The following MYT1L variants were observed in gnomAD, a reference collection of about 807,000 sequenced individuals.
MYT1L encodes the protein myelin transcription factor 1 like.
Under a neutral mutation model 126.7 loss-of-function variants are expected in MYT1L, and 12 were observed. That is an observed-to-expected ratio of 0.09 (90% CI 0.06 to 0.15). The LOEUF is 0.15. MYT1L is among the 10% of genes least tolerant of loss of function. MYT1L has a pLI of 1.00. For synonymous variants in MYT1L, 541 were observed against 604.2 expected, an observed-to-expected ratio of 0.90 and a Z score of 1.53; for missense variants, 979 against 1,585.2, an observed-to-expected ratio of 0.62 and a Z score of 6.49.
chr2:2,144,804 T>C (rs1289631645), intron 3 of MYT1L, among the ~76,000 whole-genome samples: 1 of 152,226 alleles, frequency 6.6e-6, no homozygotes, highest in Admixed American at 6.5e-5. Context: ...AGCCAGCATC[T>C]TTCTGCGGCT....
chr2:1,945,055 A>G (rs2057071632), intron 8 of MYT1L, among the ~76,000 whole-genome samples: 1 of 152,178 alleles, frequency 6.6e-6, no homozygotes, highest in South Asian at 2.1e-4. Flanking sequence ...ACATGAACAT[A>G]TGTAAGAACA....
chr2:1,823,100 C>A (rs2038787092), intron 21 of MYT1L, among the ~76,000 whole-genome samples: 1 of 152,154 alleles, frequency 6.6e-6, no homozygotes, highest in Non-Finnish European at 1.5e-5. Flanking sequence ...CAAATGTGAG[C>A]TTTTGCCCTA....
rs1291108804 is a variant in MYT1L at position 1,852,958 on chromosome 2, G to A, written c.2712-1255C>T. On this transcript the variant is annotated intron_variant, in intron 18 of 24. Coordinates refer to ENST00000647738, the MANE Select transcript of MYT1L (RefSeq NM_001303052.2). The surrounding 1 kb of genome is among the most constrained non-coding windows in gnomAD (Gnocchi z 4.0). ...AGGACGGCAAAGTGCTTGCTTACAGGTGGGCTTTCTCAAGATCAGAGGAGA... is the reference window on the plus strand; with the variant it reads ...AGGACGGCAAAGTGCTTGCTTACAGATGGGCTTTCTCAAGATCAGAGGAGA... Among the ~76,000 whole-genome samples the A allele has an allele frequency of 1.3e-5, 2 of 152,208 alleles. No homozygotes were observed. Among genetic ancestry groups the A allele is most frequent in the Non-Finnish European group, 2.9e-5 (2 of 68,040 alleles).
In MYT1L at chr2:1,967,892, C is replaced by T. The variant is rs192196736; in HGVS notation, c.152+11273G>A. 2.0e-4 allele frequency among the ~76,000 whole-genome samples: 30 copies of T among 152,292 alleles called. No homozygotes were observed. In the East Asian group the frequency reaches 3.3e-3, roughly 17 times the overall value. On this transcript the variant is annotated intron_variant, in intron 8 of 24. Transcript: ENST00000647738. ...AGGGCAGGAGCCTAGACTCCACTTCCGCAAAGAGTCCTGCTGTCTGTGTGT... is the reference window on the plus strand; with the variant it reads ...AGGGCAGGAGCCTAGACTCCACTTCTGCAAAGAGTCCTGCTGTCTGTGTGT...
At chr2:1,869,288 T>C (rs2045979347) in intron 18 of MYT1L, among the ~76,000 whole-genome samples, 1 of 152,230 alleles carries the variant, frequency 6.6e-6, no homozygotes, top group African/African-American at 2.4e-5. Flanking sequence ...GTTGTCCAAC[T>C]GCCCTGGACA....
At chr2:2,241,275 T>TG (rs1559434918) in intron 2 of MYT1L, among the ~76,000 whole-genome samples, 12,756 of 150,820 alleles carry the variant, frequency 0.085, 586 homozygotes, top group South Asian at 0.14. Flanking sequence ...AATACATCTT[T>TG]TGTGTGTGTG....
intron 21 of MYT1L, among the ~76,000 whole-genome samples, chr2:1,818,640 C>A (rs577697118): frequency 6.6e-6 from 1 of 152,088 alleles, no homozygotes; most frequent in Non-Finnish European, 1.5e-5. Context: ...CCGGTCGCCA[C>A]GAGAGCAGCT....
At chr2:2,318,180 A>G (rs1220614871) in intron 1 of MYT1L, among the ~76,000 whole-genome samples, 1 of 152,210 alleles carries the variant, frequency 6.6e-6, no homozygotes, top group African/African-American at 2.4e-5. Context: ...CATTGACTCT[A>G]CTACTCCTTA....
intron 2 of MYT1L, among the ~76,000 whole-genome samples, chr2:2,191,869 G>A (rs929928796): frequency 7.9e-5 from 12 of 152,168 alleles, no homozygotes; most frequent in Admixed American, 1.3e-4. Flanking sequence ...TGAATTCAGC[G>A]TTGCTGCACA....
chr2:2,154,789 CT>C (rs1054382067), intron 3 of MYT1L, among the ~76,000 whole-genome samples: 1 of 152,070 alleles, frequency 6.6e-6, no homozygotes, highest in Non-Finnish European at 1.5e-5. Context: ...ACGAGTTTAC[CT>C]ATGGAACAAA....
chr2:1,877,777 C>T lies in MYT1L; in HGVS notation c.2711+8762G>A, dbSNP rs1573134177. ...ACCAAAAATTGCCTAAAATAGGTCA[C>T]CTGTTTGTATCCTAAATTGTAGAAA... On this transcript the variant is annotated intron_variant, in intron 18 of 24. Transcript: ENST00000647738. 3.4e-5 allele frequency among the ~76,000 whole-genome samples: 5 copies of T among 146,964 alleles called. No individual in the cohort carries two copies. In the South Asian group the frequency reaches 1.1e-3, roughly 31 times the overall value.
chr2:2,184,186 AT>A (rs1345346492), intron 2 of MYT1L, among the ~76,000 whole-genome samples: 1 of 152,200 alleles, frequency 6.6e-6, no homozygotes, highest in Non-Finnish European at 1.5e-5. Context: ...AACACAGCTG[AT>A]ATCTACCTAG....
At chr2:1,849,822 G>A (rs1047223197) in intron 19 of MYT1L, among the ~76,000 whole-genome samples, 6 of 152,198 alleles carry the variant, frequency 3.9e-5, no homozygotes, top group African/African-American at 1.4e-4. Flanking sequence ...GCTCTCAAAT[G>A]GCTGGGATGT....
At chr2:1,861,968 G>GGATCCTCCTACAGCCTGTGTAATCCTA (rs1558191892) in intron 18 of MYT1L, among the ~76,000 whole-genome samples, 1 of 3,896 alleles carries the variant, frequency 2.6e-4, no homozygotes, top group South Asian at 5.1e-3. Context: ...GTGTAATCCT[G>GGATCCTCCTACAGCCTGTGTAATCCTA]GATCTGCCTG....
At chr2:1,937,015 A>T (rs1472317539) in intron 9 of MYT1L, among the ~76,000 whole-genome samples, 1 of 152,188 alleles carries the variant, frequency 6.6e-6, no homozygotes, top group African/African-American at 2.4e-5. Flanking sequence ...TTCCCTTTAA[A>T]AAAGAAGGTG....
intron 8 of MYT1L, among the ~76,000 whole-genome samples, chr2:1,972,173 T>C (rs1028192629): frequency 6.6e-6 from 1 of 152,212 alleles, no homozygotes; most frequent in Non-Finnish European, 1.5e-5. Context: ...GAATTTTTCA[T>C]AAATATCCCA....
At chr2:2,102,566 A>G (rs1414917668) in intron 3 of MYT1L, among the ~76,000 whole-genome samples, 1 of 151,242 alleles carries the variant, frequency 6.6e-6, no homozygotes, top group East Asian at 1.9e-4. Context: ...ACACCGTTCT[A>G]CTGTTTACAC....
chr2:2,147,653 G>A (rs936568953), intron 3 of MYT1L, among the ~76,000 whole-genome samples: 14 of 152,290 alleles, frequency 9.2e-5, no homozygotes, highest in African/African-American at 3.1e-4. Context: ...CCCGCAGGAC[G>A]GGGGGCGGGT....
At chr2:2,311,889 T>C (rs1219435425) in intron 1 of MYT1L, among the ~76,000 whole-genome samples, 1 of 152,202 alleles carries the variant, frequency 6.6e-6, no homozygotes, top group Non-Finnish European at 1.5e-5. Context: ...CACAAACAGT[T>C]TGGGATTCCA....
Sources: gnomAD v4.1 joint callset for allele counts (sites outside exome capture counted in the v4.1 genomes callset) on GRCh38, gnomAD v4.1.1 for gene constraint, Gnocchi (gnomAD v3.1) non-coding constraint, MANE v1.5 for transcripts, NCBI Gene and HGNC (gene_info 2026-07-23, HGNC 2026-07-21) for gene names.